The following ZNF99 variants were observed in gnomAD, a reference collection of about 807,000 sequenced individuals.
ZNF99 encodes zinc finger protein 99.
Under a neutral mutation model 12.8 loss-of-function variants are expected in ZNF99, and 8 were observed. That is an observed-to-expected ratio of 0.62 (90% confidence interval 0.37 to 1.13). ZNF99 has a LOEUF of 1.13. Among genes scored for constraint, ZNF99 ranks in the 50% most tolerant of loss-of-function variants. ZNF99 has a pLI of 0.02. For missense variants in ZNF99, 1,007 were observed against 1,006.2 expected (o/e 1.00, Z -0.01); for synonymous variants, 318 against 319.0 (o/e 1.00, Z 0.03).
chr19:22,765,008 T>A (rs1191872202), intron 3 of ZNF99, among the ~76,000 whole-genome samples: 1 of 152,078 alleles, frequency 6.6e-6, no homozygotes, highest in African/African-American at 2.4e-5. Flanking sequence ...GGAAAAGAAG[T>A]CATTATATGA....
rs1213376401 is a variant in ZNF99 at position 22,757,611 on chromosome 19, A to G, written c.2298T>C (p.Cys766=). The G allele has an allele frequency of 2.5e-6, 4 of 1,611,606 alleles. No homozygotes were observed. Among genetic ancestry groups the G allele is most frequent in the Non-Finnish European group, 3.4e-6 (4 of 1,179,674 alleles). The part of the protein sequence containing the change: ...TAEKPCKCEE[C]GKAFKHFSAL... ...CTGAGAAATGCTTAAAAGCTTTGCC[A>G]CATTCTTCACATTTGCAGGGTTTCT... Residue 766 remains cysteine, a synonymous_variant, in exon 4 of 4, where the codon TGT becomes TGC. Transcript: ENST00000596209.
intron 1 of ZNF99, among the ~76,000 whole-genome samples, chr19:22,782,576 G>C (rs536072379): frequency 3.2e-4 from 49 of 150,882 alleles, no homozygotes; most frequent in African/African-American, 1.2e-3. Flanking sequence ...TGGTCAGGCT[G>C]GTCTTGAACT....
At position 22,756,823 on chromosome 19, in the gene ZNF99, T is replaced by C; in HGVS notation, c.*491A>G. The stretch of plus-strand genomic sequence containing the variant: ...CTTTCCAGTATAATTATCTCATGTT[T>C]TCTAAGGGCTGAGAAATGCTTAAAA... On this transcript the variant is annotated 3_prime_UTR_variant, in exon 4 of 4. Transcript: ENST00000596209. 6.2e-7 allele frequency: 1 copy of C among 1,612,472 alleles called. No homozygotes were observed. The highest frequency in any genetic ancestry group is 8.5e-7 in the Non-Finnish European group (1 of 1,179,284).
chr19:22,758,633 T>A lies in ZNF99; in HGVS notation c.1276A>T (p.Lys426Ter). ...AAAGCTTTGCCACATTCTTCACATT[T>A]GCAGGGTTTCTCTGCAGTATGAATT... ...KVIHTAEKPC[K>*]CEECGKAFKR... The change falls in exon 4 of 4, where the codon AAA (lysine) becomes TAA (stop). Residue 426 changes from lysine to a stop codon, truncating the protein, a stop_gained. Coordinates refer to ENST00000596209, the MANE Select transcript of ZNF99 (RefSeq NM_001080409.3). LOFTEE classifies it low-confidence loss of function (END_TRUNC). The A allele has an allele frequency of 6.2e-7, 1 of 1,613,052 alleles. No homozygotes were observed. Among genetic ancestry groups the A allele is most frequent in the Non-Finnish European group, 8.5e-7 (1 of 1,179,422 alleles).
intron 1 of ZNF99, among the ~76,000 whole-genome samples, chr19:22,780,445 C>A (rs1159980331): frequency 6.6e-6 from 1 of 152,160 alleles, no homozygotes; most frequent in Non-Finnish European, 1.5e-5. Flanking sequence ...GTAATCCCAG[C>A]ACTTTGGGAG....
intron 1 of ZNF99, 59 bp downstream of exon 1, chr19:22,783,955 T>G: frequency 3.1e-6 from 5 of 1,612,380 alleles, no homozygotes; most frequent in Non-Finnish European, 2.5e-6. Flanking sequence ...CACAGCCACT[T>G]TCCACCGGTT....
chr19:22,779,918 C>A (rs778138931), intron 1 of ZNF99, among the ~76,000 whole-genome samples: 2 of 152,192 alleles, frequency 1.3e-5, no homozygotes, highest in Non-Finnish European at 2.9e-5. Context: ...AATCTAACTT[C>A]GTTTTATTTT....
chr19:22,781,402 A>ATTT (rs1973385648), intron 1 of ZNF99, among the ~76,000 whole-genome samples: 1 of 81,440 alleles, frequency 1.2e-5, no homozygotes, highest in South Asian at 3.7e-4. Context: ...CATTGGGGTC[A>ATTT]CTTTTTTTTT....
chr19:22,760,588 C>T (rs182650474), intron 3 of ZNF99, among the ~76,000 whole-genome samples: 60 of 151,986 alleles, frequency 3.9e-4, no homozygotes, highest in Admixed American at 6.6e-4. Flanking sequence ...ACTAAAAATA[C>T]AAAAAATTCG....
chr19:22,763,483 G>A (rs1346965248), intron 3 of ZNF99, among the ~76,000 whole-genome samples: 1 of 152,022 alleles, frequency 6.6e-6, no homozygotes, highest in Non-Finnish European at 1.5e-5. Flanking sequence ...AATCACAGAT[G>A]ACACAAACAA....
chr19:22,780,313 T>A (rs1973373297), intron 1 of ZNF99, among the ~76,000 whole-genome samples: 1 of 152,200 alleles, frequency 6.6e-6, no homozygotes, highest in Admixed American at 6.6e-5. Context: ...AATTTTAAGG[T>A]GCTTACACTT....
intron 3 of ZNF99, among the ~76,000 whole-genome samples, chr19:22,766,837 C>CATAG (rs1357399000): frequency 6.6e-6 from 1 of 150,962 alleles, no homozygotes; most frequent in Non-Finnish European, 1.5e-5. Context: ...TTTTAGCAGA[C>CATAG]ATAGGGTTTC....
intron 3 of ZNF99, among the ~76,000 whole-genome samples, chr19:22,764,669 A>G (rs185485230): frequency 1.3e-4 from 20 of 152,272 alleles, no homozygotes; most frequent in Admixed American, 1.2e-3. Context: ...AAACTGAGCT[A>G]AGGACACAAA....
rs1014499537 is a variant in ZNF99 at position 22,755,822 on chromosome 19, T to C, written c.*1492A>G. ...TCAGTATGAATTATCTTACATTCAG[T>C]AAGATTTGAGGACCAGTTAAAAGCT... is the stretch of plus-strand genomic sequence containing the variant. On this transcript the variant is annotated 3_prime_UTR_variant, in exon 4 of 4. Coordinates refer to ENST00000596209, the MANE Select transcript of ZNF99 (RefSeq NM_001080409.3). 4 of 323,904 alleles carry C rather than the reference T, an allele frequency of 1.2e-5. No individual in the cohort carries two copies. The highest frequency in any genetic ancestry group is 2.5e-5 in the Non-Finnish European group (4 of 162,082). The allele number at this position is 323,904 out of a possible 1,614,324, so 20.1% of individuals were successfully genotyped here. A position where few individuals can be genotyped will look rare whatever the true frequency, so the allele number is the denominator to read the frequency against.
At position 22,771,909 on chromosome 19, in the gene ZNF99, G is replaced by C. The variant is rs1388063811; in HGVS notation, c.4-2585C>G. The stretch of plus-strand genomic sequence containing the variant: ...ATTTTTGTATTTTTAGTAGAGACAG[G>C]GTTTCACCATATTGGCCAGGCTGGT... On this transcript the variant is annotated intron_variant, in intron 1 of 3. Coordinates refer to ENST00000596209, the MANE Select transcript of ZNF99 (RefSeq NM_001080409.3). Among the ~76,000 whole-genome samples, 5 of 148,304 alleles carry C rather than the reference G, an allele frequency of 3.4e-5. No homozygotes were observed. The East Asian group carries it at 8.2e-4, about 24-fold the overall frequency.
intron 1 of ZNF99, among the ~76,000 whole-genome samples, 198 bp downstream of exon 1, chr19:22,783,816 G>A (rs1437300209): frequency 6.6e-6 from 1 of 152,186 alleles, no homozygotes; most frequent in Non-Finnish European, 1.5e-5. Context: ...GTGCAGGAAG[G>A]AGGCAGGTCG....
At chr19:22,782,697 A>G (rs1160702230) in intron 1 of ZNF99, among the ~76,000 whole-genome samples, 13 of 83,672 alleles carry the variant, frequency 1.6e-4, no homozygotes, top group Admixed American at 5.1e-4. Flanking sequence ...TATGAGAGGG[A>G]GTCTCCCTCT....
At chr19:22,778,246 G>C (rs1388719159) in intron 1 of ZNF99, among the ~76,000 whole-genome samples, 3 of 151,952 alleles carry the variant, frequency 2.0e-5, no homozygotes, top group South Asian at 2.1e-4. Flanking sequence ...TGAAATCACA[G>C]GGTAATGGGC....
chr19:22,757,352 G>C lies in ZNF99; in HGVS notation c.2557C>G (p.Leu853Val). The change falls in exon 4 of 4, where the codon CTT (leucine) becomes GTT (valine). Residue 853 changes from leucine to valine, a missense_variant. By Grantham distance (32) the Leu-to-Val change is conservative. Coordinates refer to ENST00000596209, the MANE Select transcript of ZNF99 (RefSeq NM_001080409.3). ...TCTAAGGGCTGAGAAATGTTTAAAA[G>C]CTTTGCCACATTCTTCACATTTGCA... is the stretch of plus-strand genomic sequence containing the variant. Reference protein sequence around the residue: ...NPANVKNVAKLLNISQPLENM... With the variant: ...NPANVKNVAKVLNISQPLENM... The C allele has an allele frequency of 6.2e-7, 1 of 1,611,404 alleles. No homozygotes were observed. The highest frequency in any genetic ancestry group is 8.5e-7 in the Non-Finnish European group (1 of 1,179,214).
Sources: allele counts gnomAD v4.1 joint callset (sites outside exome capture counted in the v4.1 genomes callset), GRCh38; gene constraint gnomAD v4.1.1; transcripts MANE v1.5; gene names NCBI Gene and HGNC (gene_info 2026-07-23, HGNC 2026-07-21).